The following GLIS1 variants were observed in gnomAD, a reference collection of about 807,000 sequenced individuals.
The protein encoded by GLIS1 is zinc finger protein GLIS1.
In GLIS1, 24 loss-of-function variants were observed where a neutral mutation model predicts 63.8. That is an observed-to-expected ratio of 0.38 (90% confidence interval 0.27 to 0.53). The LOEUF (loss-of-function observed/expected upper bound fraction) is 0.53, where lower values mean the gene tolerates loss of function less well. Ranked by LOEUF, GLIS1 falls within the 20% of genes least tolerant of loss-of-function variation. GLIS1 has a pLI of 0.85. For synonymous variants in GLIS1, 450 were observed against 482.5 expected (o/e 0.93, Z 0.88); for missense variants, 1,036 against 1,074.1 (o/e 0.96, Z 0.50).
chr1:53,634,454 A>G (rs1645701912), intron 2 of GLIS1, among the ~76,000 whole-genome samples: 1 of 152,182 alleles, frequency 6.6e-6, no homozygotes, highest in Non-Finnish European at 1.5e-5. Flanking sequence ...TGGCGTCCTG[A>G]AGCTGTGAGA....
intron 2 of GLIS1, among the ~76,000 whole-genome samples, chr1:53,616,324 A>C (rs1392487258): frequency 6.6e-6 from 1 of 152,210 alleles, no homozygotes; most frequent in African/African-American, 2.4e-5. Context: ...GAAATCGCTA[A>C]GAAAATGTAT....
Position 53,509,924 on chromosome 1 carries a change from A to T in GLIS1, c.1987T>A (p.Phe663Ile). Residue 663 changes from phenylalanine (F) to isoleucine (I), a missense_variant, in exon 9 of 11, where the codon TTC becomes ATC. This residue lies in a region of GLIS1 where 400 missense variants were observed against 400.9 expected (regional missense o/e 1.00). Transcript: ENST00000628545. ...GACGGCTTGCTGGGGAGTGTGGGGA[A>T]GGGCTGGCCCCCCGGAGAATGGCTC... ...SQSHSPGGQP[F>I]PTLPSKPSYP... 1 of 1,306,428 alleles carries T rather than the reference A, an allele frequency of 7.7e-7. No homozygotes were observed. Among genetic ancestry groups the T allele is most frequent in the Non-Finnish European group, 9.8e-7 (1 of 1,019,004 alleles). The allele number at this position is 1,306,428 out of a possible 1,614,324, so 80.9% of individuals were successfully genotyped here.
At chr1:53,701,919 A>C (rs1344517336) in intron 2 of GLIS1, among the ~76,000 whole-genome samples, 1 of 148,112 alleles carries the variant, frequency 6.8e-6, no homozygotes, top group African/African-American at 2.5e-5. Context: ...CCTGAACCCG[A>C]GAGGCAGAGG....
chr1:53,561,705 G>A (rs1448564492), intron 4 of GLIS1, among the ~76,000 whole-genome samples: 1 of 152,204 alleles, frequency 6.6e-6, no homozygotes, highest in East Asian at 1.9e-4. Context: ...GGCAGAGGTC[G>A]AAGAGCCAGT....
At chr1:53,573,654 G>T (rs1037001941) in intron 4 of GLIS1, among the ~76,000 whole-genome samples, 12 of 152,168 alleles carry the variant, frequency 7.9e-5, no homozygotes, top group Admixed American at 5.2e-4. Context: ...ACATGCACAT[G>T]TACACGCACA....
At chr1:53,550,900 G>T (rs901869948) in intron 4 of GLIS1, among the ~76,000 whole-genome samples, 2 of 152,046 alleles carry the variant, frequency 1.3e-5, no homozygotes, top group East Asian at 1.9e-4. Flanking sequence ...GCCCAGGCTG[G>T]AGTGCAATGG....
intron 2 of GLIS1, among the ~76,000 whole-genome samples, chr1:53,719,147 G>A (rs983119035): frequency 4.6e-5 from 7 of 152,316 alleles, no homozygotes; most frequent in African/African-American, 7.2e-5. Context: ...CTGCCCCATC[G>A]TTGGCAGAAA....
chr1:53,566,041 A>G (rs1644933870), intron 4 of GLIS1, among the ~76,000 whole-genome samples: 1 of 152,200 alleles, frequency 6.6e-6, no homozygotes, highest in African/African-American at 2.4e-5. Context: ...TTGACTCACT[A>G]CATATACAAA....
intron 4 of GLIS1, among the ~76,000 whole-genome samples, chr1:53,550,536 A>G (rs574040263): frequency 2.1e-4 from 32 of 152,304 alleles, no homozygotes; most frequent in African/African-American, 7.7e-4. Context: ...AGTTTTATGC[A>G]AGAAGATGAT....
intron 2 of GLIS1, among the ~76,000 whole-genome samples, chr1:53,689,905 T>C (rs1646383185): frequency 6.6e-6 from 1 of 152,170 alleles, no homozygotes; most frequent in Non-Finnish European, 1.5e-5. Flanking sequence ...AGAGCCGGTT[T>C]ATCCCCACCA....
At chr1:53,529,648 C>T (rs1644508242) in intron 5 of GLIS1, 143 bp downstream of exon 5, 2 of 792,982 alleles carry the variant, frequency 2.5e-6, no homozygotes, top group Non-Finnish European at 4.1e-6. Flanking sequence ...GCAGAGGACA[C>T]CATCCGACCC....
chr1:53,612,867 G>A (rs1645440088), intron 2 of GLIS1, among the ~76,000 whole-genome samples: 1 of 149,874 alleles, frequency 6.7e-6, no homozygotes, highest in African/African-American at 2.5e-5. Flanking sequence ...CACCCAGGCT[G>A]GAGTGCAGTG....
Position 53,737,792 on chromosome 1 carries a change from A to G in GLIS1, c.259+14T>C. The G allele has an allele frequency of 8.1e-7, 1 of 1,230,942 alleles. No individual in the cohort carries two copies. Among genetic ancestry groups the G allele is most frequent in the Non-Finnish European group, 1.0e-6 (1 of 987,378 alleles). 76.3% of individuals were successfully genotyped at this position (1,230,942 alleles called of 1,614,324 possible). A position where few individuals can be genotyped will look rare whatever the true frequency, so the allele number is the denominator to read the frequency against. On this transcript the variant is annotated intron_variant, in intron 2 of 10. Transcript: ENST00000628545. ...CACAGGAGCCGCCAGGCACGTTGGC[A>G]GGGCCGAACTCACCCTTCCCGGCGG...
chr1:53,735,382 T>C (rs1646902937), intron 2 of GLIS1, among the ~76,000 whole-genome samples: 1 of 152,210 alleles, frequency 6.6e-6, no homozygotes, highest in South Asian at 2.1e-4. Context: ...TTCTTACAAC[T>C]CTTGTTTTAT....
intron 3 of GLIS1, among the ~76,000 whole-genome samples, chr1:53,597,176 TAAAAAAAAAA>T (rs57607550): frequency 1.6e-3 from 30 of 19,322 alleles, no homozygotes; most frequent in African/African-American, 3.5e-3. Flanking sequence ...CTGTCTCTAC[TAAAAAAAAAA>T]AAAAAAAAAA....
intron 8 of GLIS1, among the ~76,000 whole-genome samples, chr1:53,513,005 A>G (rs971281148): frequency 1.3e-5 from 2 of 152,012 alleles, no homozygotes; most frequent in African/African-American, 4.8e-5. Context: ...AATGCCTTTC[A>G]CAGAAGCAGC....
intron 2 of GLIS1, among the ~76,000 whole-genome samples, chr1:53,658,213 TC>T (rs1645987633): frequency 6.6e-6 from 1 of 152,178 alleles, no homozygotes; most frequent in Non-Finnish European, 1.5e-5. Context: ...CCAGCTAAAA[TC>T]CAGGGCATTT....
Position 53,664,976 on chromosome 1 carries a change from G to A in GLIS1, c.260-64698C>T, listed in dbSNP as rs149964163. 5.7e-3 allele frequency among the ~76,000 whole-genome samples: 863 copies of A among 152,256 alleles called. 11 individuals carry two copies. The highest frequency in any genetic ancestry group is 0.02 in the African/African-American group (826 of 41,546). On this transcript the variant is annotated intron_variant, in intron 2 of 10. Coordinates refer to ENST00000628545, the MANE Select transcript of GLIS1 (RefSeq NM_001367484.1). Reference sequence around the variant, plus strand: ...GAGGGGGAGGGCAGTACAAAATGAGGCCAGAGTGAGCAATGGGGCGAGGGG... The same window carrying A: ...GAGGGGGAGGGCAGTACAAAATGAGACCAGAGTGAGCAATGGGGCGAGGGG...
At chr1:53,586,106 C>T (rs181484298) in intron 4 of GLIS1, among the ~76,000 whole-genome samples, 14 of 152,266 alleles carry the variant, frequency 9.2e-5, no homozygotes, top group Admixed American at 3.9e-4. Flanking sequence ...GAGGCTCTGA[C>T]CTAATTGCAA....
Sources: gnomAD v4.1 joint callset for allele counts (sites outside exome capture counted in the v4.1 genomes callset) on GRCh38, gnomAD v4.1.1 for gene constraint, gnomAD v4.1.1 regional missense constraint, MANE v1.5 for transcripts, NCBI Gene and HGNC (gene_info 2026-07-23, HGNC 2026-07-21) for gene names.